The following RBFOX1 variants were observed in gnomAD, a reference collection of about 807,000 sequenced individuals.
RBFOX1 encodes the protein RNA binding protein fox-1 homolog 1.
Under a neutral mutation model 57.7 loss-of-function variants are expected in RBFOX1, and 8 were observed. That is an observed-to-expected ratio of 0.14 (90% CI 0.08 to 0.25). The LOEUF (loss-of-function observed/expected upper bound fraction) is 0.25, where lower values mean the gene tolerates loss of function less well. Ranked by LOEUF, RBFOX1 falls within the 10% of genes least tolerant of loss-of-function variation. The pLI is 1.00. For synonymous variants in RBFOX1, 326 were observed against 222.4 expected (o/e 1.47, Z -4.15); for missense variants, 611 against 548.5 (o/e 1.11, Z -1.14).
At chr16:6,221,100 A>C (rs1161054921) in intron 1 of RBFOX1, among the ~76,000 whole-genome samples, 1 of 152,166 alleles carries the variant, frequency 6.6e-6, no homozygotes, top group African/African-American at 2.4e-5. Flanking sequence ...TTATCTCTTT[A>C]GGCCATATTT....
At chr16:7,170,408 A>C (rs1197154486) in intron 4 of RBFOX1, among the ~76,000 whole-genome samples, 2 of 151,992 alleles carry the variant, frequency 1.3e-5, no homozygotes, top group Admixed American at 1.3e-4. Flanking sequence ...AGTAGCTGAG[A>C]CTACAGGCAC....
At chr16:5,534,180 A>G (rs905882946) in intron 2 of RBFOX1, among the ~76,000 whole-genome samples, 9 of 152,038 alleles carry the variant, frequency 5.9e-5, no homozygotes, top group African/African-American at 2.2e-4. Context: ...GGTGGCTGGG[A>G]AAGGGGGAAT....
chr16:6,853,232 G>A (rs1315650601), intron 3 of RBFOX1, among the ~76,000 whole-genome samples: 1 of 152,138 alleles, frequency 6.6e-6, no homozygotes, highest in Non-Finnish European at 1.5e-5. Context: ...ATTAATGATA[G>A]TATGTATAAG....
chr16:5,421,372 C>T (rs961741991), intron 1 of RBFOX1, among the ~76,000 whole-genome samples: 1 of 152,212 alleles, frequency 6.6e-6, no homozygotes, highest in Non-Finnish European at 1.5e-5. Context: ...AGTCTGGCTT[C>T]TTTCTCCTCT....
intron 4 of RBFOX1, among the ~76,000 whole-genome samples, chr16:7,059,710 G>C (rs1372403731): frequency 6.6e-6 from 1 of 152,158 alleles, no homozygotes; most frequent in Non-Finnish European, 1.5e-5. Context: ...GATGTGCACA[G>C]CATCCTATGT....
chr16:6,881,408 G>C (rs139629225), intron 3 of RBFOX1, among the ~76,000 whole-genome samples: 1 of 152,160 alleles, frequency 6.6e-6, no homozygotes, highest in South Asian at 2.1e-4. Context: ...CAGAATGAAG[G>C]TGTTGGCAAG....
chr16:5,308,180 A>G (rs578141381), intron 1 of RBFOX1, among the ~76,000 whole-genome samples: 10 of 152,196 alleles, frequency 6.6e-5, no homozygotes. Flanking sequence ...TCTTTACTAA[A>G]AATACAAAAA....
chr16:6,564,944 C>T (rs779198360), intron 2 of RBFOX1, among the ~76,000 whole-genome samples: 1 of 151,932 alleles, frequency 6.6e-6, no homozygotes, highest in South Asian at 2.1e-4. Context: ...AGTTGGAGAT[C>T]AGCTTGGCCA....
chr16:7,674,409 C>G (rs1227256179), intron 13 of RBFOX1, among the ~76,000 whole-genome samples: 1 of 152,180 alleles, frequency 6.6e-6, no homozygotes, highest in African/African-American at 2.4e-5. Context: ...GAAGTAGCTA[C>G]TCTGTTGGAC....
Position 6,647,493 on chromosome 16 carries a change from C to T in RBFOX1, c.-63-7110C>T, listed in dbSNP as rs559724222. 7.9e-5 allele frequency among the ~76,000 whole-genome samples: 12 copies of T among 152,232 alleles called. No individual in the cohort carries two copies. In the South Asian group the frequency reaches 2.5e-3, roughly 32 times the overall value. On this transcript the variant is annotated intron_variant, in intron 2 of 15. Coordinates refer to ENST00000550418, the MANE Select transcript of RBFOX1 (RefSeq NM_018723.4). Reference sequence around the variant, plus strand: ...GAGCCCCTGCCCTCAAGTGATATACCTGCCTTAGACTCCCAAAGTGATGGG... The same window carrying T: ...GAGCCCCTGCCCTCAAGTGATATACTTGCCTTAGACTCCCAAAGTGATGGG...
intron 3 of RBFOX1, among the ~76,000 whole-genome samples, chr16:5,650,115 C>A (rs946820800): frequency 6.6e-6 from 1 of 152,206 alleles, no homozygotes; most frequent in African/African-American, 2.4e-5. Flanking sequence ...CTCTCAATAA[C>A]CTCTGTGGTT....
At chr16:5,814,500 C>T (rs2055550600) in intron 3 of RBFOX1, among the ~76,000 whole-genome samples, 1 of 152,160 alleles carries the variant, frequency 6.6e-6, no homozygotes, top group Admixed American at 6.5e-5. Flanking sequence ...CCCCAGAATT[C>T]CATCAATGCC....
intron 4 of RBFOX1, among the ~76,000 whole-genome samples, chr16:5,891,449 C>T (rs1448073758): frequency 6.6e-6 from 1 of 152,196 alleles, no homozygotes; most frequent in Non-Finnish European, 1.5e-5. Context: ...ACTTTGGTTG[C>T]CATGGAAGCA....
intron 1 of RBFOX1, among the ~76,000 whole-genome samples, chr16:5,448,492 T>G (rs1322187347): frequency 6.6e-6 from 1 of 152,210 alleles, no homozygotes; most frequent in African/African-American, 2.4e-5. Flanking sequence ...AAAATTACCT[T>G]ACAAAGAAAT....
At chr16:6,681,420 A>G (rs1296321849) in intron 3 of RBFOX1, among the ~76,000 whole-genome samples, 1 of 152,224 alleles carries the variant, frequency 6.6e-6, no homozygotes, top group Non-Finnish European at 1.5e-5. Context: ...TCAATTGGTA[A>G]TATTTGCCTG....
intron 2 of RBFOX1, among the ~76,000 whole-genome samples, chr16:6,501,531 G>A (rs1001901343): frequency 1.3e-5 from 2 of 151,902 alleles, no homozygotes; most frequent in Non-Finnish European, 2.9e-5. Flanking sequence ...TCTTAATCCA[G>A]TCTATCATTG....
intron 4 of RBFOX1, among the ~76,000 whole-genome samples, chr16:7,442,331 G>A (rs2098774502): frequency 6.6e-6 from 1 of 152,148 alleles, no homozygotes; most frequent in African/African-American, 2.4e-5. Flanking sequence ...TCCCAGCACA[G>A]CCTTCCTTAG....
intron 1 of RBFOX1, among the ~76,000 whole-genome samples, chr16:6,023,951 C>A (rs896340944): frequency 6.6e-6 from 1 of 152,278 alleles, no homozygotes; most frequent in African/African-American, 2.4e-5. Flanking sequence ...ACAAGGGGAT[C>A]TAGCACTTTC....
At chr16:7,088,565 A>T (rs547663542) in intron 4 of RBFOX1, among the ~76,000 whole-genome samples, 1 of 151,670 alleles carries the variant, frequency 6.6e-6, no homozygotes, top group East Asian at 1.9e-4. Context: ...TGGAGATCGT[A>T]TTAAAATAAG....
Sources: allele counts gnomAD v4.1 joint callset (sites outside exome capture counted in the v4.1 genomes callset), GRCh38; gene constraint gnomAD v4.1.1; transcripts MANE v1.5; gene names NCBI Gene and HGNC (gene_info 2026-07-23, HGNC 2026-07-21).